MAST4: variants seen among roughly 807,000 people sequenced by gnomAD.
MAST4 encodes microtubule-associated serine/threonine-protein kinase 4.
A neutral mutation model predicts 162.7 loss-of-function variants in MAST4; 89 were observed. The ratio of observed to expected loss-of-function variants is 0.55; its 90% CI spans 0.46 to 0.65. The LOEUF is 0.65. Ranked by LOEUF, MAST4 falls within the 30% of genes least tolerant of loss-of-function variation. MAST4 has a pLI of 0.00. For missense variants in MAST4, 3,153 were observed against 3,374.0 expected (o/e 0.93, Z 1.62); for synonymous variants, 1,479 against 1,361.1 (o/e 1.09, Z -1.91).
At chr5:67,100,299 C>A in intron 7 of MAST4, 136 bp from the exon 8 acceptor site, 1 of 804,838 alleles carries the variant, frequency 1.2e-6, no homozygotes, top group Non-Finnish European at 1.9e-6. Context: ...TTTAGGCAGT[C>A]GTTCTTATAA....
At chr5:67,029,847 A>G (rs1201459090) in intron 4 of MAST4, among the ~76,000 whole-genome samples, 2 of 152,198 alleles carry the variant, frequency 1.3e-5, no homozygotes, top group Non-Finnish European at 2.9e-5. Context: ...ATAATTTGAT[A>G]TTAACAACAT....
rs566331055 is a variant in MAST4 at position 66,664,362 on chromosome 5, G to A, written c.363+67344G>A. Among the ~76,000 whole-genome samples, 5 of 149,338 alleles carry A rather than the reference G, an allele frequency of 3.3e-5. No homozygotes were observed. In the East Asian group the frequency reaches 9.8e-4, roughly 29 times the overall value. ...AGGTAGGAGAATCGCTTGAACCCGGGCGACGGAGGTTGCAGTGAGCTGAGA... is the reference window on the plus strand; with the variant it reads ...AGGTAGGAGAATCGCTTGAACCCGGACGACGGAGGTTGCAGTGAGCTGAGA... On this transcript the variant is annotated intron_variant, in intron 1 of 28. Coordinates refer to ENST00000403625, the MANE Select transcript of MAST4 (RefSeq NM_001164664.2).
At chr5:66,907,812 TA>T (rs1763485909) in intron 4 of MAST4, among the ~76,000 whole-genome samples, 1 of 152,118 alleles carries the variant, frequency 6.6e-6, no homozygotes. Flanking sequence ...TTCAGCAAAG[TA>T]AAGGCAATGT....
At chr5:67,121,942 A>G (rs1767646317) in intron 14 of MAST4, among the ~76,000 whole-genome samples, 2 of 151,582 alleles carry the variant, frequency 1.3e-5, no homozygotes, top group Admixed American at 6.6e-5. Flanking sequence ...TAGCTCACTC[A>G]CTGCAGCCTT....
At chr5:66,728,623 T>G (rs932316955) in intron 1 of MAST4, among the ~76,000 whole-genome samples, 2 of 152,232 alleles carry the variant, frequency 1.3e-5, no homozygotes, top group Non-Finnish European at 2.9e-5. Context: ...TTCTTCTGAC[T>G]AGTGCAAGTT....
At chr5:66,642,099 A>G (rs943791743) in intron 1 of MAST4, among the ~76,000 whole-genome samples, 20 of 152,208 alleles carry the variant, frequency 1.3e-4, no homozygotes, top group Non-Finnish European at 2.6e-4. Context: ...ACAACTAGAC[A>G]TTATGTATTT....
chr5:67,010,874 G>A (rs1752587706), intron 4 of MAST4, among the ~76,000 whole-genome samples: 1 of 152,084 alleles, frequency 6.6e-6, no homozygotes. Context: ...AGAGAGTGAA[G>A]CAAGGACTTG....
intron 4 of MAST4, among the ~76,000 whole-genome samples, chr5:66,973,207 A>G (rs1377893119): frequency 1.3e-5 from 2 of 152,078 alleles, no homozygotes; most frequent in East Asian, 3.8e-4. Flanking sequence ...TAACTATATT[A>G]TTATTATGGC....
intron 1 of MAST4, among the ~76,000 whole-genome samples, chr5:66,627,694 ACTT>A (rs1744527276): frequency 6.6e-6 from 1 of 151,760 alleles, no homozygotes; most frequent in South Asian, 2.1e-4. Context: ...TAAAGAAAAA[ACTT>A]CTAGCAAAAA....
chr5:67,107,072 C>A (rs917530909), intron 10 of MAST4, among the ~76,000 whole-genome samples: 1 of 152,158 alleles, frequency 6.6e-6, no homozygotes, highest in Non-Finnish European at 1.5e-5. Context: ...CACTTTTGAA[C>A]AGAAGAGGCA....
chr5:67,058,409 A>G (rs1021877781), intron 5 of MAST4, among the ~76,000 whole-genome samples: 10 of 152,330 alleles, frequency 6.6e-5, no homozygotes, highest in African/African-American at 2.4e-4. Context: ...TGCCCGGCAA[A>G]TTAACCTAAA....
chr5:66,963,534 C>T (rs1456531974), intron 4 of MAST4, among the ~76,000 whole-genome samples: 4 of 152,144 alleles, frequency 2.6e-5, no homozygotes, highest in African/African-American at 9.7e-5. Context: ...AAGCATTTTA[C>T]TTGTTCTGTA....
chr5:66,916,088 T>C (rs974846377), intron 4 of MAST4, among the ~76,000 whole-genome samples: 2 of 152,238 alleles, frequency 1.3e-5, no homozygotes, highest in African/African-American at 4.8e-5. Flanking sequence ...GTAATTCTTA[T>C]GTTAATAGCA....
intron 3 of MAST4, among the ~76,000 whole-genome samples, chr5:66,824,393 C>A (rs77210207): frequency 0.048 from 7,250 of 152,232 alleles, 261 homozygotes; most frequent in South Asian, 0.13. Context: ...AACAACTTTA[C>A]CAGAGGACAA....
Position 67,166,740 on chromosome 5 carries a change from C to A in MAST4, c.7561C>A (p.Leu2521Met). Reference sequence around the variant, plus strand: ...AACCCACATGACAAAGAGTGACTCCCTGCCCTCCTTCCGGGTCTCCACCCT... The same window carrying A: ...AACCCACATGACAAAGAGTGACTCCATGCCCTCCTTCCGGGTCTCCACCCT... Reference protein sequence around the residue: ...GRTHMTKSDSLPSFRVSTLPL... With the variant: ...GRTHMTKSDSMPSFRVSTLPL... The change falls in exon 29 of 29, where the codon CTG (leucine) becomes ATG (methionine). Residue 2521 changes from leucine to methionine, a missense_variant. Physicochemically the swap from Leu to Met is conservative, Grantham distance 15 (BLOSUM62 2). This residue lies in a region of MAST4 where 1,644 missense variants were observed against 1,495.0 expected (regional missense o/e 1.10). Coordinates refer to ENST00000403625, the MANE Select transcript of MAST4 (RefSeq NM_001164664.2). The A allele has an allele frequency of 6.3e-7, 1 of 1,592,292 alleles. No homozygotes were observed. The highest frequency in any genetic ancestry group is 2.3e-5 in the East Asian group (1 of 43,618).
At chr5:67,156,337 C>T (rs142869030) in intron 26 of MAST4, among the ~76,000 whole-genome samples, 1 of 152,266 alleles carries the variant, frequency 6.6e-6, no homozygotes, top group African/African-American at 2.4e-5. Context: ...GCACTTTTTC[C>T]ACTACCACAG....
chr5:66,698,448 T>C (rs1408644829), intron 1 of MAST4, among the ~76,000 whole-genome samples: 1 of 151,522 alleles, frequency 6.6e-6, no homozygotes, highest in South Asian at 2.1e-4. Flanking sequence ...CCTTGCTGGC[T>C]GCTGCTTCTC....
chr5:66,959,163 T>A, intron 4 of MAST4: 1 of 774,112 alleles, frequency 1.3e-6, no homozygotes, highest in Admixed American at 1.7e-5. Context: ...TTTAGAGAGG[T>A]TCGGTTTGGC....
rs546331359 is a variant in MAST4, at chr5:67,151,138, G to A, written c.3296-1499G>A. 2.0e-5 allele frequency among the ~76,000 whole-genome samples: 3 copies of A among 152,278 alleles called. No individual in the cohort carries two copies. In the South Asian group the frequency reaches 6.2e-4, roughly 32 times the overall value. ...AGTTTCACATGACCAGTTAAGATCT[G>A]TTTAGATTCACGTAGATGAAACAAG... On this transcript the variant is annotated intron_variant, in intron 24 of 28. Transcript: ENST00000403625.
Sources: gnomAD v4.1 joint callset for allele counts (sites outside exome capture counted in the v4.1 genomes callset) on GRCh38, gnomAD v4.1.1 for gene constraint, gnomAD v4.1.1 regional missense constraint, MANE v1.5 for transcripts, NCBI Gene and HGNC (gene_info 2026-07-23, HGNC 2026-07-21) for gene names.